GRIP1: variants seen among roughly 807,000 people sequenced by gnomAD.
GRIP1 encodes the protein glutamate receptor interacting protein 1, also known as glutamate receptor-interacting protein 1.
GRIP1 carries 45 observed loss-of-function variants against 129.9 expected under a neutral mutation model. The ratio of observed to expected loss-of-function variants is 0.35; its 90% CI spans 0.27 to 0.44. The LOEUF (loss-of-function observed/expected upper bound fraction) is 0.44, where lower values mean the gene tolerates loss of function less well. GRIP1 is among the 20% of genes least tolerant of loss of function. GRIP1 has a pLI of 1.00. For missense variants in GRIP1, 1,196 were observed against 1,396.8 expected (o/e 0.86, Z 2.29); for synonymous variants, 530 against 520.8 (o/e 1.02, Z -0.24).
intron 5 of GRIP1, among the ~76,000 whole-genome samples, chr12:66,523,159 G>C (rs568080042): frequency 1.4e-3 from 205 of 147,550 alleles, no homozygotes; most frequent in African/African-American, 2.8e-3. Context: ...CCAACATTCA[G>C]ATTCAGGAAA....
At chr12:66,679,752 A>C (rs1481793065), upstream of GRIP1, among the ~76,000 whole-genome samples, 1 of 152,210 alleles carries the variant, frequency 6.6e-6, no homozygotes. Flanking sequence ...AAAGGCAAAC[A>C]AGGCCAAGTA....
chr12:66,511,528 G>C (rs984166929), intron 7 of GRIP1, among the ~76,000 whole-genome samples: 1 of 151,928 alleles, frequency 6.6e-6, no homozygotes, highest in African/African-American at 2.4e-5. Context: ...ATTCTGTTTG[G>C]GCCATTCAAC....
intron 2 of GRIP1, among the ~76,000 whole-genome samples, chr12:66,546,843 G>T (rs939194679): frequency 6.9e-6 from 1 of 144,054 alleles, no homozygotes; most frequent in African/African-American, 2.6e-5. Context: ...TTAAGATCTA[G>T]GTTTAGCGAA....
intron 1 of GRIP1, among the ~76,000 whole-genome samples, chr12:66,821,984 T>C (rs953032964): frequency 1.3e-5 from 2 of 151,366 alleles, no homozygotes; most frequent in African/African-American, 2.4e-5. Context: ...GGCCAAGTGA[T>C]GGAGCCACTT....
At chr12:67,061,394 CACAGTCAAGATGG>C (rs2043533637) in intron 1 of GRIP1, among the ~76,000 whole-genome samples, 1 of 152,154 alleles carries the variant, frequency 6.6e-6, no homozygotes, top group African/African-American at 2.4e-5. Flanking sequence ...ATGAGAAAGC[CACAGTCAAGATGG>C]TCGGTCTATA....
At chr12:66,402,241 C>T (rs2057028800) in intron 16 of GRIP1, among the ~76,000 whole-genome samples, 1 of 152,160 alleles carries the variant, frequency 6.6e-6, no homozygotes, top group Non-Finnish European at 1.5e-5. Context: ...TTGTGCATAT[C>T]CTTATGACAT....
At chr12:66,902,645 G>A (rs1185372233) in intron 1 of GRIP1, among the ~76,000 whole-genome samples, 1 of 152,180 alleles carries the variant, frequency 6.6e-6, no homozygotes, top group Non-Finnish European at 1.5e-5. Context: ...GATACAGGGA[G>A]AGATGAAAGT....
intron 19 of GRIP1, among the ~76,000 whole-genome samples, chr12:66,391,584 G>A (rs144121000): frequency 1.3e-4 from 20 of 152,312 alleles, no homozygotes; most frequent in African/African-American, 4.8e-4. Flanking sequence ...GGGCATGGTG[G>A]CTCATGCCTA....
intron 1 of GRIP1, among the ~76,000 whole-genome samples, chr12:66,788,202 C>G (rs1419920030): frequency 1.3e-5 from 2 of 151,114 alleles, no homozygotes; most frequent in Non-Finnish European, 2.9e-5. Context: ...CACTGAGACT[C>G]TTTTTTGTTA....
chr12:66,455,790 G>A (rs1317799820), intron 10 of GRIP1, among the ~76,000 whole-genome samples: 1 of 152,194 alleles, frequency 6.6e-6, no homozygotes, highest in African/African-American at 2.4e-5. Flanking sequence ...GGAACACAAA[G>A]AGACTCTGTG....
intron 1 of GRIP1, among the ~76,000 whole-genome samples, chr12:66,752,977 A>T (rs1246393235): frequency 1.3e-5 from 2 of 152,222 alleles, no homozygotes; most frequent in African/African-American, 4.8e-5. Flanking sequence ...CTCAAACGCT[A>T]GCGGAAACTT....
Position 66,539,172 on chromosome 12 carries a change from G to T in GRIP1, c.324C>A (p.Asn108Lys). 6.2e-7 allele frequency: 1 copy of T among 1,613,994 alleles called. No homozygotes were observed. Among genetic ancestry groups the T allele is most frequent in the Middle Eastern group, 1.6e-4 (1 of 6,062 alleles). Residue 108 changes from asparagine (N) to lysine (K), a missense_variant, in exon 4 of 25, where the codon AAC becomes AAA. By Grantham distance (94) the Asn-to-Lys change is moderately conservative. Coordinates refer to ENST00000359742, the MANE Select transcript of GRIP1 (RefSeq NM_001366722.1). ...TCTCGTCATGGCGGAATTTGGCCAG[G>T]TTGATTCCATTCACTGCTTTGATGT... ...GDYIKAVNGINLAKFRHDEII... is the reference protein window; with the variant it reads ...GDYIKAVNGIKLAKFRHDEII...
intron 1 of GRIP1, among the ~76,000 whole-genome samples, chr12:66,785,329 TAC>T (rs1238623470): frequency 4.8e-4 from 28 of 58,766 alleles, no homozygotes; most frequent in African/African-American, 1.5e-3. Context: ...CATACATACA[TAC>T]ATACATACAT....
intron 24 of GRIP1, among the ~76,000 whole-genome samples, chr12:66,352,720 CAAAAA>C (rs1164207741): frequency 2.2e-4 from 14 of 63,748 alleles, no homozygotes; most frequent in Non-Finnish European, 2.9e-4. Context: ...GACTCTGTCT[CAAAAA>C]AAAAAAAAAA....
intron 1 of GRIP1, among the ~76,000 whole-genome samples, chr12:66,637,768 C>T (rs2031542563): frequency 1.3e-5 from 2 of 152,182 alleles, no homozygotes; most frequent in South Asian, 2.1e-4. Context: ...TCCAGCATAT[C>T]TGTCTATCAT....
At position 66,420,415 on chromosome 12, in the gene GRIP1, G is replaced by GT. The variant is rs71096102; in HGVS notation, c.1838+304dup. Among the ~76,000 whole-genome samples, 755 of 127,858 alleles carry GT rather than the reference G, an allele frequency of 5.9e-3. 17 individuals are homozygous for GT. The highest frequency in any genetic ancestry group is 0.014 in the East Asian group (61 of 4,398). The allele number at this position is 127,858 out of a possible 152,430, so 83.9% of individuals were successfully genotyped here. A position where few individuals can be genotyped will look rare whatever the true frequency, so the allele number is the denominator to read the frequency against. On this transcript the variant is annotated intron_variant, in intron 15 of 24. Transcript: ENST00000359742. ...TCTAATAAGTGCTGCTACTTTCAGGGTTTTTTTTTTTTTTTTTTGGTCAGA... is the reference window on the plus strand; with the variant it reads ...TCTAATAAGTGCTGCTACTTTCAGGGTTTTTTTTTTTTTTTTTTTGGTCAGA...
At chr12:66,791,798 C>A (rs890020745) in intron 1 of GRIP1, among the ~76,000 whole-genome samples, 3 of 152,038 alleles carry the variant, frequency 2.0e-5, no homozygotes, top group African/African-American at 7.2e-5. Flanking sequence ...GTACATTGTA[C>A]CCAATATGTA....
At chr12:66,681,577 G>T (rs1166421376), upstream of GRIP1, among the ~76,000 whole-genome samples, 2 of 152,148 alleles carry the variant, frequency 1.3e-5, no homozygotes, top group Non-Finnish European at 2.9e-5. Context: ...TTTGGGACCT[G>T]TCATGAACAT....
intron 7 of GRIP1, among the ~76,000 whole-genome samples, chr12:66,478,055 G>T (rs2059677420): frequency 6.6e-6 from 1 of 152,188 alleles, no homozygotes; most frequent in Non-Finnish European, 1.5e-5. Context: ...AAGAGCTTCT[G>T]TGCAGCAAAA....
Sources: allele counts gnomAD v4.1 joint callset (sites outside exome capture counted in the v4.1 genomes callset), GRCh38; gene constraint gnomAD v4.1.1; transcripts MANE v1.5; gene names NCBI Gene and HGNC (gene_info 2026-07-23, HGNC 2026-07-21).